Variants in EVA1C observed in about 807,000 individuals in gnomAD.
The protein encoded by EVA1C is eva-1 homolog C.
EVA1C carries 25 observed loss-of-function variants against 45.4 expected under a neutral mutation model. That is an observed-to-expected ratio of 0.55 (90% CI 0.40 to 0.77). The LOEUF (loss-of-function observed/expected upper bound fraction) is 0.77, where lower values mean the gene tolerates loss of function less well. Ranked by LOEUF, EVA1C falls within the 30% of genes least tolerant of loss-of-function variation. EVA1C has a pLI of 0.00. For missense variants in EVA1C, 479 were observed against 554.8 expected (o/e 0.86, Z 1.37); for synonymous variants, 190 against 221.2 (o/e 0.86, Z 1.25).
At chr21:32,413,105 G>A (rs1568849158) in intron 1 of EVA1C, 92 bp downstream of exon 1, 1 of 1,128,338 alleles carries the variant, frequency 8.9e-7, no homozygotes, top group Non-Finnish European at 1.2e-6. Context: ...TGGACACGGC[G>A]GGGTAGGATT....
intron 1 of EVA1C, among the ~76,000 whole-genome samples, chr21:32,439,435 G>A (rs1049187036): frequency 6.6e-6 from 1 of 152,182 alleles, no homozygotes; most frequent in African/African-American, 2.4e-5. Flanking sequence ...AGGCCAGCAT[G>A]ATTACCGTGT....
At chr21:32,504,227 A>G (rs550485834) in intron 7 of EVA1C, among the ~76,000 whole-genome samples, 136 of 152,356 alleles carry the variant, frequency 8.9e-4, no homozygotes, top group Admixed American at 1.7e-3. Context: ...ACATAAACAG[A>G]CAAAGTCACA....
At chr21:32,449,151 C>A (rs1166171065) in intron 1 of EVA1C, among the ~76,000 whole-genome samples, 5 of 152,116 alleles carry the variant, frequency 3.3e-5, no homozygotes, top group Non-Finnish European at 5.9e-5. Context: ...GTGCAGCTTC[C>A]CCCACTAGCA....
chr21:32,472,080 C>T (rs1242618625), intron 4 of EVA1C, among the ~76,000 whole-genome samples: 1 of 152,054 alleles, frequency 6.6e-6, no homozygotes, highest in African/African-American at 2.4e-5. Context: ...ATCTGTAAGC[C>T]GAATGGTTTG....
intron 7 of EVA1C, among the ~76,000 whole-genome samples, chr21:32,505,412 C>T (rs1217350925): frequency 1.3e-5 from 2 of 152,132 alleles, no homozygotes; most frequent in Non-Finnish European, 2.9e-5. Context: ...TTACAAAGTC[C>T]TTGGGGAGCT....
intron 1 of EVA1C, among the ~76,000 whole-genome samples, chr21:32,432,746 G>A (rs1451637511): frequency 6.6e-6 from 1 of 152,104 alleles, no homozygotes; most frequent in African/African-American, 2.4e-5. Flanking sequence ...TTAGAGACAG[G>A]GTCTTGCTCT....
At chr21:32,464,838 G>A (rs973770522) in intron 3 of EVA1C, among the ~76,000 whole-genome samples, 1 of 152,060 alleles carries the variant, frequency 6.6e-6, no homozygotes, top group African/African-American at 2.4e-5. Context: ...ACAAAAAGGT[G>A]ACATTTATAT....
At chr21:32,436,738 A>AC (rs1402528163) in intron 1 of EVA1C, among the ~76,000 whole-genome samples, 1 of 152,142 alleles carries the variant, frequency 6.6e-6, no homozygotes, top group African/African-American at 2.4e-5. Context: ...TGCACTGCGG[A>AC]CCCCCCAAGA....
At chr21:32,434,206 T>C (rs1378460152) in intron 1 of EVA1C, among the ~76,000 whole-genome samples, 1 of 147,944 alleles carries the variant, frequency 6.8e-6, no homozygotes, top group Admixed American at 6.7e-5. Context: ...TGAGGCAGGA[T>C]AATTGCTTGA....
intron 1 of EVA1C, among the ~76,000 whole-genome samples, chr21:32,448,669 G>C (rs1220455053): frequency 6.6e-6 from 1 of 152,160 alleles, no homozygotes; most frequent in Non-Finnish European, 1.5e-5. Context: ...AGCACTTTGA[G>C]AGGCTGAGGC....
chr21:32,460,262 C>A (rs145028007), intron 3 of EVA1C, among the ~76,000 whole-genome samples: 7 of 152,288 alleles, frequency 4.6e-5, no homozygotes, highest in African/African-American at 1.7e-4. Context: ...CTTCACACAG[C>A]TGGTTCCTTC....
At chr21:32,458,166 T>C (rs1369016385) in intron 3 of EVA1C, among the ~76,000 whole-genome samples, 1 of 152,196 alleles carries the variant, frequency 6.6e-6, no homozygotes, top group African/African-American at 2.4e-5. Context: ...GCTTCAGATC[T>C]TTAAGAACCA....
At chr21:32,504,716 A>G (rs1196192059) in intron 7 of EVA1C, among the ~76,000 whole-genome samples, 3 of 152,240 alleles carry the variant, frequency 2.0e-5, no homozygotes, top group Non-Finnish European at 4.4e-5. Flanking sequence ...AGTAAAATAC[A>G]TGTTAATATA....
intron 1 of EVA1C, among the ~76,000 whole-genome samples, chr21:32,436,740 C>T (rs186473730): frequency 2.4e-3 from 361 of 152,364 alleles, no homozygotes; most frequent in African/African-American, 8.3e-3. Context: ...CACTGCGGAC[C>T]CCCCAAGATT....
chr21:32,486,819 C>T (rs2036986117), intron 4 of EVA1C, among the ~76,000 whole-genome samples: 1 of 152,176 alleles, frequency 6.6e-6, no homozygotes, highest in Non-Finnish European at 1.5e-5. Flanking sequence ...CTCCTCTGTC[C>T]TAGCCCTGTC....
intron 1 of EVA1C, among the ~76,000 whole-genome samples, chr21:32,415,526 C>G (rs1340335556): frequency 6.6e-6 from 1 of 152,104 alleles, no homozygotes; most frequent in East Asian, 1.9e-4. Flanking sequence ...TTCTTTGCGG[C>G]TCTTCCTTGA....
intron 1 of EVA1C, among the ~76,000 whole-genome samples, chr21:32,443,930 G>A (rs550017072): frequency 5.9e-5 from 9 of 152,036 alleles, no homozygotes; most frequent in Admixed American, 2.0e-4. Flanking sequence ...GTGACCATAC[G>A]ACCATCCAGG....
chr21:32,509,660 T>C (rs1263377870), intron 7 of EVA1C, among the ~76,000 whole-genome samples: 1 of 151,748 alleles, frequency 6.6e-6, no homozygotes, highest in African/African-American at 2.4e-5. Flanking sequence ...GCATTCTAGG[T>C]GGAGAGAAAG....
At chr21:32,487,644 C>T (rs895933647) in intron 4 of EVA1C, among the ~76,000 whole-genome samples, 5 of 151,516 alleles carry the variant, frequency 3.3e-5, no homozygotes, top group Admixed American at 2.0e-4. Context: ...TGCTCGAATC[C>T]AGGAGGCAGA....
Sources: allele counts gnomAD v4.1 joint callset (sites outside exome capture counted in the v4.1 genomes callset), GRCh38; gene constraint gnomAD v4.1.1; transcripts MANE v1.5; gene names NCBI Gene and HGNC (gene_info 2026-07-23, HGNC 2026-07-21).